IMMP2L: variants seen among roughly 807,000 people sequenced by gnomAD.
The protein encoded by IMMP2L is inner mitochondrial membrane peptidase subunit 2.
IMMP2L carries 18 observed loss-of-function variants against 19.3 expected under a neutral mutation model. The ratio of observed to expected loss-of-function variants is 0.93; its 90% CI spans 0.64 to 1.38. The LOEUF is 1.38. Ranked by LOEUF, IMMP2L falls within the 40% of genes most tolerant of loss-of-function variation. The probability of loss-of-function intolerance (pLI) is 0.00; values close to 1 mark genes in which losing one functional copy is unlikely to be tolerated. For missense variants in IMMP2L, 233 were observed against 218.2 expected, an observed-to-expected ratio of 1.07 and a Z score of -0.43; for synonymous variants, 76 against 73.0, an observed-to-expected ratio of 1.04 and a Z score of -0.21.
rs559049073 is a variant in IMMP2L at position 110,918,830 on chromosome 7, A to G, written c.306-32135T>C. On this transcript the variant is annotated intron_variant, in intron 4 of 5. Transcript: ENST00000405709. ...GTCATTAAAAATAATTTCTCTAATA[A>G]TTTTAAAAAGATTAAGAAAATAAGT... Among the ~76,000 whole-genome samples the G allele has an allele frequency of 2.0e-5, 3 of 152,242 alleles. No individual in the cohort carries two copies. In the South Asian group the frequency reaches 6.2e-4, roughly 32 times the overall value.
In IMMP2L at chr7:110,706,039, CT is replaced by C. The variant is rs1490179550; in HGVS notation, c.409-42319del. 1.6e-4 allele frequency among the ~76,000 whole-genome samples: 25 copies of C among 152,056 alleles called. No individual in the cohort carries two copies. The East Asian group carries it at 3.1e-3, about 19-fold the overall frequency. On this transcript the variant is annotated intron_variant, in intron 5 of 5. Coordinates refer to ENST00000405709, the MANE Select transcript of IMMP2L (RefSeq NM_032549.4). ...GTGATGAATATACAAGTGCACATGT[CT>C]TTTTGGTAGAATGATTTATTTTCTT...
At chr7:111,081,138 C>A (rs541258162) in intron 3 of IMMP2L, among the ~76,000 whole-genome samples, 1 of 152,104 alleles carries the variant, frequency 6.6e-6, no homozygotes, top group African/African-American at 2.4e-5. Flanking sequence ...TGTTGGGATG[C>A]CCCATTAAAT....
intron 3 of IMMP2L, among the ~76,000 whole-genome samples, chr7:111,301,190 G>A (rs141591054): frequency 2.5e-4 from 38 of 152,166 alleles, no homozygotes; most frequent in African/African-American, 8.4e-4. Context: ...TCTCTCTAAT[G>A]CCTAATGATG....
chr7:110,722,273 G>T (rs1042148062), intron 5 of IMMP2L, among the ~76,000 whole-genome samples: 5 of 151,936 alleles, frequency 3.3e-5, no homozygotes, highest in Non-Finnish European at 5.9e-5. Flanking sequence ...CAGTACTGAG[G>T]GTTATATTAC....
intron 3 of IMMP2L, among the ~76,000 whole-genome samples, chr7:110,993,739 T>C (rs1822730463): frequency 1.3e-5 from 2 of 152,116 alleles, no homozygotes; most frequent in South Asian, 4.2e-4. Flanking sequence ...ACCAAATAAT[T>C]CACCTCTCTC....
At chr7:111,392,887 T>G in intron 3 of IMMP2L, 1 of 455,690 alleles carries the variant, frequency 2.2e-6, no homozygotes, top group Non-Finnish European at 4.4e-6. Flanking sequence ...CAGAGCATAG[T>G]AGCTTTTGTC....
At chr7:110,854,862 G>C (rs1410581827) in intron 5 of IMMP2L, among the ~76,000 whole-genome samples, 2 of 151,864 alleles carry the variant, frequency 1.3e-5, no homozygotes, top group Non-Finnish European at 1.5e-5. Flanking sequence ...ATGCAGCCTA[G>C]TGCCTAGACT....
chr7:111,334,248 T>C (rs1245816080), intron 3 of IMMP2L, among the ~76,000 whole-genome samples: 2 of 151,942 alleles, frequency 1.3e-5, no homozygotes, highest in Non-Finnish European at 2.9e-5. Context: ...CTCTGGTAAC[T>C]ACAAATCTAC....
intron 4 of IMMP2L, among the ~76,000 whole-genome samples, chr7:110,950,858 A>ATATATATATACATATATATATATATG (rs1817743975): frequency 1.5e-5 from 2 of 136,296 alleles, no homozygotes; most frequent in African/African-American, 5.8e-5. Flanking sequence ...ATATATATAT[A>ATATATATATACATATATATATATATG]TATATATATA....
At chr7:110,993,454 T>G (rs1822696909) in intron 3 of IMMP2L, among the ~76,000 whole-genome samples, 1 of 152,108 alleles carries the variant, frequency 6.6e-6, no homozygotes, top group African/African-American at 2.4e-5. Flanking sequence ...GAAATTCTTA[T>G]CAACACCAAT....
chr7:111,487,259 C>A lies in IMMP2L; in HGVS notation c.218G>T (p.Arg73Leu), dbSNP rs140154823. ...TTACACCAATGATACAATGTCACCA[C>A]GGTGTACTTCAAAATTCCTCACTTT... The part of the protein sequence containing the change: ...HWKVRNFEVH[R>L]GDIVSLVSPK... The change falls in exon 3 of 6, where the codon CGT (arginine) becomes CTT (leucine). Residue 73 changes from arginine (R) to leucine (L), a missense_variant. Arg to Leu is a moderately radical substitution (Grantham distance 102). Coordinates refer to ENST00000405709, the MANE Select transcript of IMMP2L (RefSeq NM_032549.4). The A allele has an allele frequency of 6.4e-7, 1 of 1,572,148 alleles. No individual in the cohort carries two copies.
chr7:111,230,145 T>A (rs1039294408), intron 3 of IMMP2L, among the ~76,000 whole-genome samples: 2 of 152,026 alleles, frequency 1.3e-5, no homozygotes, highest in African/African-American at 4.8e-5. Flanking sequence ...TTTGTTATGA[T>A]GGCATAGAAA....
At chr7:110,721,805 A>AG (rs1257962834) in intron 5 of IMMP2L, among the ~76,000 whole-genome samples, 3 of 152,132 alleles carry the variant, frequency 2.0e-5, no homozygotes, top group Non-Finnish European at 2.9e-5. Flanking sequence ...GACTGTATGT[A>AG]GGGGGACTGG....
chr7:110,692,212 T>C (rs59676217), intron 5 of IMMP2L, among the ~76,000 whole-genome samples: 6 of 152,152 alleles, frequency 3.9e-5, no homozygotes, highest in African/African-American at 1.4e-4. Context: ...AAGGTCATTA[T>C]GTGAAGTGAA....
chr7:111,160,617 T>C (rs1463840510), intron 3 of IMMP2L, among the ~76,000 whole-genome samples: 2 of 151,492 alleles, frequency 1.3e-5, no homozygotes, highest in Non-Finnish European at 3.0e-5. Flanking sequence ...AGGCTATAAA[T>C]TCATGAGCTA....
chr7:110,980,861 T>C (rs1344750576), intron 3 of IMMP2L, among the ~76,000 whole-genome samples: 1 of 152,194 alleles, frequency 6.6e-6, no homozygotes, highest in African/African-American at 2.4e-5. Context: ...CCATGGCAGC[T>C]TCACTGATGT....
intron 3 of IMMP2L, among the ~76,000 whole-genome samples, chr7:111,151,089 A>G (rs1804019872): frequency 6.6e-6 from 1 of 152,218 alleles, no homozygotes; most frequent in Non-Finnish European, 1.5e-5. Context: ...GTGAACTATT[A>G]TAAGCACTTG....
At chr7:111,117,084 CTAATT>C (rs1799967924) in intron 3 of IMMP2L, among the ~76,000 whole-genome samples, 1 of 152,024 alleles carries the variant, frequency 6.6e-6, no homozygotes, top group Admixed American at 6.6e-5. Flanking sequence ...TGGCAGGTAA[CTAATT>C]TGATAGTCTT....
rs1799875970 is a variant in IMMP2L at position 111,116,342 on chromosome 7, GATA to G, written c.240-152780_240-152778del. On this transcript the variant is annotated intron_variant, in intron 3 of 5. Transcript: ENST00000405709. ...AAAAATCTATAGTTATTTCTATAAT[GATA>G]ATAAGAGGATTTTTGCCAGTTTGAA... 2.6e-5 allele frequency among the ~76,000 whole-genome samples: 4 copies of G among 152,082 alleles called. 1 individual carries two copies. In the South Asian group the frequency reaches 6.3e-4, roughly 24 times the overall value.
Sources: gnomAD v4.1 joint callset for allele counts (sites outside exome capture counted in the v4.1 genomes callset) on GRCh38, gnomAD v4.1.1 for gene constraint, MANE v1.5 for transcripts, NCBI Gene and HGNC (gene_info 2026-07-23, HGNC 2026-07-21) for gene names.